JARID2: variants seen among roughly 807,000 people sequenced by gnomAD.
JARID2 encodes jumonji and AT-rich interaction domain containing 2, also known as protein Jumonji.
JARID2 carries 21 observed loss-of-function variants against 125.6 expected under a neutral mutation model. The ratio of observed to expected loss-of-function variants is 0.17; its 90% CI spans 0.12 to 0.24. JARID2 has a LOEUF of 0.24. Among genes scored for constraint, JARID2 ranks in the 10% least tolerant of loss-of-function variants. The probability of loss-of-function intolerance (pLI) is 1.00; values close to 1 mark genes in which losing one functional copy is unlikely to be tolerated. For missense variants in JARID2, 1,303 were observed against 1,639.6 expected (o/e 0.79, Z 3.55); for synonymous variants, 736 against 661.6 (o/e 1.11, Z -1.73).
At chr6:15,414,531 C>CA (rs914337771) in intron 3 of JARID2, among the ~76,000 whole-genome samples, 6 of 98,744 alleles carry the variant, frequency 6.1e-5, no homozygotes, top group African/African-American at 2.5e-4. Flanking sequence ...ACAACAACAA[C>CA]AAAACTCAAA....
intron 3 of JARID2, among the ~76,000 whole-genome samples, chr6:15,450,751 A>C (rs775682040): frequency 2.6e-5 from 4 of 152,252 alleles, no homozygotes; most frequent in African/African-American, 7.2e-5. Flanking sequence ...ACTATTAGGC[A>C]ATTGACGATA....
chr6:15,513,174 T>C (rs2127766519), intron 15 of JARID2, 65 bp from the exon 16 acceptor site: 4 of 1,556,250 alleles, frequency 2.6e-6, no homozygotes, highest in Non-Finnish European at 3.5e-6. Flanking sequence ...GGTGCGTGTG[T>C]CCCCTCTGCT....
intron 1 of JARID2, among the ~76,000 whole-genome samples, chr6:15,328,057 A>G (rs919851153): frequency 1.3e-5 from 2 of 152,114 alleles, no homozygotes; most frequent in African/African-American, 4.8e-5. Context: ...GGCCCAGGAC[A>G]TGTAGCTGTT....
intron 1 of JARID2, among the ~76,000 whole-genome samples, chr6:15,372,336 G>A (rs1164380287): frequency 1.3e-5 from 2 of 152,128 alleles, no homozygotes; most frequent in South Asian, 2.1e-4. Flanking sequence ...CCCAAATCAT[G>A]ATTTTACCTG....
At chr6:15,428,923 A>C (rs1362936581) in intron 3 of JARID2, among the ~76,000 whole-genome samples, 1 of 139,800 alleles carries the variant, frequency 7.2e-6, no homozygotes, top group Non-Finnish European at 1.5e-5. Flanking sequence ...CAACAAAAAA[A>C]AAACAAACCC....
intron 1 of JARID2, among the ~76,000 whole-genome samples, chr6:15,364,076 A>G (rs1763888964): frequency 6.6e-6 from 1 of 152,206 alleles, no homozygotes; most frequent in East Asian, 1.9e-4. Flanking sequence ...TCTTGTGACA[A>G]TATACGTATA....
chr6:15,342,674 T>C (rs1763107744), intron 1 of JARID2, among the ~76,000 whole-genome samples: 1 of 152,190 alleles, frequency 6.6e-6, no homozygotes, highest in Non-Finnish European at 1.5e-5. Flanking sequence ...TATTAACTTT[T>C]CTAGTTTGTT....
chr6:15,465,369 T>C (rs1422592089), intron 4 of JARID2, among the ~76,000 whole-genome samples: 1 of 152,170 alleles, frequency 6.6e-6, no homozygotes, highest in East Asian at 1.9e-4. Flanking sequence ...GAGGATCACT[T>C]GTGGCCAGGA....
chr6:15,496,887 G>T lies in JARID2; in HGVS notation c.1662G>T (p.Met554Ile). Residue 554 changes from methionine (M) to isoleucine (I), a missense_variant, in exon 7 of 18, where the codon ATG (methionine) becomes ATT (isoleucine). Met to Ile is a conservative substitution (Grantham distance 10). Around this residue, in one of 11 missense-constraint regions of JARID2, gnomAD observed 651 missense variants for 581.6 expected, o/e 1.12. Transcript: ENST00000341776. ...KGGGKAGWAA[M>I]DEIPVLRPSA... is the part of the protein sequence containing the mutation. ...GCGGCAAGGCCGGGTGGGCGGCCAT[G>T]GACGAGATCCCCGTCCTCAGGCCCT... The T allele has an allele frequency of 6.2e-7, 1 of 1,601,608 alleles. No homozygotes were observed. Among genetic ancestry groups the T allele is most frequent in the East Asian group, 2.2e-5 (1 of 44,570 alleles).
At chr6:15,372,601 G>A (rs1325676231) in intron 1 of JARID2, among the ~76,000 whole-genome samples, 2 of 152,064 alleles carry the variant, frequency 1.3e-5, no homozygotes, top group African/African-American at 4.8e-5. Context: ...TGATCCGTCC[G>A]CCTTGTCCTC....
intron 1 of JARID2, among the ~76,000 whole-genome samples, chr6:15,278,725 T>A (rs1170396039): frequency 6.6e-6 from 1 of 152,158 alleles, no homozygotes; most frequent in Non-Finnish European, 1.5e-5. Flanking sequence ...GTCTCATATC[T>A]GCCATACCTG....
chr6:15,300,453 A>G (rs138186804), intron 1 of JARID2, among the ~76,000 whole-genome samples: 7 of 152,288 alleles, frequency 4.6e-5, no homozygotes, highest in East Asian at 3.9e-4. Context: ...TTCCCCTCCC[A>G]TCTTCCTGAG....
intron 1 of JARID2, among the ~76,000 whole-genome samples, chr6:15,371,018 T>C (rs995419680): frequency 2.6e-5 from 4 of 152,210 alleles, no homozygotes; most frequent in East Asian, 3.8e-4. Context: ...AAAACACTTG[T>C]GTGTTGTGTG....
intron 6 of JARID2, among the ~76,000 whole-genome samples, chr6:15,490,286 A>G (rs1404654378): frequency 6.6e-6 from 1 of 152,182 alleles, no homozygotes; most frequent in East Asian, 1.9e-4. Context: ...GTTCAGCTTA[A>G]AAGCATAAAT....
At chr6:15,462,528 A>G (rs183334642) in intron 4 of JARID2, among the ~76,000 whole-genome samples, 13 of 152,276 alleles carry the variant, frequency 8.5e-5, no homozygotes, top group Admixed American at 5.9e-4. Context: ...TTCATCTTCT[A>G]TCCGTTGCCC....
At chr6:15,394,188 A>C (rs926496140) in intron 2 of JARID2, among the ~76,000 whole-genome samples, 8 of 152,176 alleles carry the variant, frequency 5.3e-5, no homozygotes, top group African/African-American at 1.9e-4. Context: ...AGAATGTTGA[A>C]TGTTAGGTGC....
At chr6:15,327,555 GTGTGTGTGCGTGTGCA>G (rs1762574378) in intron 1 of JARID2, among the ~76,000 whole-genome samples, 2 of 133,246 alleles carry the variant, frequency 1.5e-5, no homozygotes, top group Non-Finnish European at 3.3e-5. Flanking sequence ...GTGTGTGCGC[GTGTGTGTGCGTGTGCA>G]TGTGCGTGCA....
chr6:15,448,539 C>T (rs552178406), intron 3 of JARID2, among the ~76,000 whole-genome samples: 4 of 152,252 alleles, frequency 2.6e-5, no homozygotes, highest in African/African-American at 7.2e-5. Context: ...ACTCAGAGTG[C>T]GATTTGCGTC....
At chr6:15,249,226 C>G (rs1475160944) in intron 1 of JARID2, among the ~76,000 whole-genome samples, 1 of 152,242 alleles carries the variant, frequency 6.6e-6, no homozygotes, top group Non-Finnish European at 1.5e-5. Flanking sequence ...CACCTTGTCA[C>G]TTGAAGTCGT....
Sources: gnomAD v4.1 joint callset for allele counts (sites outside exome capture counted in the v4.1 genomes callset) on GRCh38, gnomAD v4.1.1 for gene constraint, gnomAD v4.1.1 regional missense constraint, MANE v1.5 for transcripts, NCBI Gene and HGNC (gene_info 2026-07-23, HGNC 2026-07-21) for gene names.